GLI3: variants seen among roughly 807,000 people sequenced by gnomAD.
GLI3 encodes GLI family zinc finger 3.
A neutral mutation model predicts 100.8 loss-of-function variants in GLI3; 20 were observed. That is an observed-to-expected ratio of 0.20 (90% CI 0.14 to 0.29). GLI3 has a LOEUF of 0.29. GLI3 is among the 10% of genes least tolerant of loss of function. GLI3 has a pLI of 1.00. For missense variants in GLI3, 2,040 were observed against 2,128.5 expected, an observed-to-expected ratio of 0.96 and a Z score of 0.82; for synonymous variants, 938 against 860.5, an observed-to-expected ratio of 1.09 and a Z score of -1.58.
At chr7:42,174,771 A>G (rs755363761) in intron 2 of GLI3, among the ~76,000 whole-genome samples, 4 of 152,108 alleles carry the variant, frequency 2.6e-5, no homozygotes, top group Non-Finnish European at 4.4e-5. Flanking sequence ...ACGGGCGAGG[A>G]GTCTGGCTGC....
At chr7:42,032,917 T>C (rs1789334350) in intron 7 of GLI3, among the ~76,000 whole-genome samples, 1 of 152,198 alleles carries the variant, frequency 6.6e-6, no homozygotes, top group Admixed American at 6.5e-5. Flanking sequence ...ATAACAGCTT[T>C]TCCTAGAGTT....
At chr7:42,251,268 A>T (rs1252103901) in intron 1 of GLI3, among the ~76,000 whole-genome samples, 3 of 152,146 alleles carry the variant, frequency 2.0e-5, no homozygotes, top group Non-Finnish European at 2.9e-5. Context: ...TGGTTTTGGG[A>T]TGAAACTTTC....
At chr7:42,156,138 T>C (rs959061597) in intron 2 of GLI3, among the ~76,000 whole-genome samples, 3 of 152,136 alleles carry the variant, frequency 2.0e-5, no homozygotes, top group Admixed American at 1.3e-4. Context: ...AAATCCAGCA[T>C]GCACTTGAGA....
chr7:42,009,920 A>T (rs1263925528), intron 10 of GLI3, among the ~76,000 whole-genome samples: 1 of 152,176 alleles, frequency 6.6e-6, no homozygotes, highest in African/African-American at 2.4e-5. Flanking sequence ...GCCCCAGTGG[A>T]CTGGATATGT....
At chr7:42,143,347 C>T (rs1473221170) in intron 3 of GLI3, among the ~76,000 whole-genome samples, 2 of 152,360 alleles carry the variant, frequency 1.3e-5, no homozygotes, top group Middle Eastern at 3.4e-3. Flanking sequence ...AGGGAACTGT[C>T]ACTGCCTTTG....
intron 3 of GLI3, among the ~76,000 whole-genome samples, chr7:42,106,454 G>T (rs1054390137): frequency 6.6e-6 from 1 of 152,214 alleles, no homozygotes; most frequent in Non-Finnish European, 1.5e-5. Flanking sequence ...ATGGCCACAT[G>T]AGCAAGGACG....
At chr7:42,064,860 G>A (rs1784643130) in intron 4 of GLI3, among the ~76,000 whole-genome samples, 4 of 152,158 alleles carry the variant, frequency 2.6e-5, no homozygotes, top group Admixed American at 2.6e-4. Flanking sequence ...ACAGTGAAGT[G>A]TTTATTTGCT....
At chr7:41,983,938 T>A (rs1018804867) in intron 10 of GLI3, among the ~76,000 whole-genome samples, 11 of 152,178 alleles carry the variant, frequency 7.2e-5, no homozygotes, top group Admixed American at 6.5e-4. Flanking sequence ...TTTTTTTAAC[T>A]GTCATCGAAT....
At chr7:42,209,986 GAAAAAAAAA>G (rs749477443) in intron 2 of GLI3, among the ~76,000 whole-genome samples, 449 of 33,284 alleles carry the variant, frequency 0.013, 7 homozygotes, top group African/African-American at 0.061. Flanking sequence ...TTAAGAATCT[GAAAAAAAAA>G]AAAAAAAAAA....
chr7:42,098,819 T>C (rs1388404203), intron 3 of GLI3, among the ~76,000 whole-genome samples: 2 of 152,150 alleles, frequency 1.3e-5, no homozygotes, highest in Non-Finnish European at 2.9e-5. Context: ...TAGAACTCTC[T>C]TTATCCTGCT....
intron 2 of GLI3, chr7:42,151,209 GCAGA>G (rs970523557): frequency 6.6e-6 from 1 of 152,090 alleles, no homozygotes; most frequent in Non-Finnish European, 1.5e-5. Context: ...GAAAACTCCA[GCAGA>G]CAAATACTTC....
chr7:42,210,592 G>T (rs1393752367), intron 2 of GLI3, among the ~76,000 whole-genome samples: 1 of 151,896 alleles, frequency 6.6e-6, no homozygotes, highest in Non-Finnish European at 1.5e-5. Context: ...TTAAGAAAGG[G>T]TTTTTCTCTT....
chr7:42,215,662 T>A (rs1788362396), intron 2 of GLI3, among the ~76,000 whole-genome samples: 1 of 152,170 alleles, frequency 6.6e-6, no homozygotes, highest in African/African-American at 2.4e-5. Context: ...TGCTCTTAAA[T>A]TTGAAAAATG....
chr7:41,987,379 G>A (rs1430721573), intron 10 of GLI3, among the ~76,000 whole-genome samples: 2 of 152,164 alleles, frequency 1.3e-5, no homozygotes, highest in African/African-American at 4.8e-5. Context: ...GTATTGGCCA[G>A]GCTGGTCTTG....
upstream of GLI3, chr7:42,237,927 G>C (rs1234974429): frequency 3.4e-5 from 5 of 147,676 alleles, no homozygotes; most frequent in South Asian, 3.6e-4. Flanking sequence ...GTCGGGGGCT[G>C]GGGGGGAGCC....
chr7:42,221,566 A>G (rs1000838794), intron 2 of GLI3, among the ~76,000 whole-genome samples: 2 of 152,166 alleles, frequency 1.3e-5, no homozygotes, highest in African/African-American at 2.4e-5. Context: ...ACACCCTCAC[A>G]CACAGGCATG....
At chr7:42,148,169 AC>A in intron 3 of GLI3, 56 bp downstream of exon 3, 1 of 1,542,090 alleles carries the variant, frequency 6.5e-7, no homozygotes, top group South Asian at 1.2e-5. Flanking sequence ...ACACACACAC[AC>A]ACACACAGCC....
At chr7:42,088,645 T>C (rs1785153806) in intron 3 of GLI3, among the ~76,000 whole-genome samples, 1 of 152,210 alleles carries the variant, frequency 6.6e-6, no homozygotes, top group African/African-American at 2.4e-5. Flanking sequence ...CCCTCCATGA[T>C]TCCTGCAGTC....
chr7:41,991,930 T>TATGCATGTGTATGTGTGCAC (rs1443510034), intron 10 of GLI3, among the ~76,000 whole-genome samples: 1 of 152,194 alleles, frequency 6.6e-6, no homozygotes, highest in Non-Finnish European at 1.5e-5. Context: ...TATGTGTGTG[T>TATGCATGTGTATGTGTGCAC]ATGCATGTGT....
Sources: gnomAD v4.1 joint callset for allele counts (sites outside exome capture counted in the v4.1 genomes callset) on GRCh38, gnomAD v4.1.1 for gene constraint, MANE v1.5 for transcripts, NCBI Gene and HGNC (gene_info 2026-07-23, HGNC 2026-07-21) for gene names.